Variants in GLI3 observed in about 807,000 individuals in gnomAD.
GLI3 encodes the protein GLI family zinc finger 3.
Under a neutral mutation model 100.8 loss-of-function variants are expected in GLI3, and 20 were observed. The ratio of observed to expected loss-of-function variants is 0.20; its 90% confidence interval spans 0.14 to 0.29. The LOEUF is 0.29. GLI3 is among the 10% of genes least tolerant of loss of function. The pLI is 1.00. For synonymous variants in GLI3, 938 were observed against 860.5 expected, an observed-to-expected ratio of 1.09 and a Z score of -1.58; for missense variants, 2,040 against 2,128.5, an observed-to-expected ratio of 0.96 and a Z score of 0.82.
rs527623890 is a variant in GLI3 at position 42,005,557 on chromosome 7, G to A, written c.1497+17911C>T. ...ATTTTGGGGTCCATTGAGTGAACAC[G>A]GTGCTGCCTTTTGTACCCTTGGCAG... On this transcript the variant is annotated intron_variant, in intron 10 of 14. Coordinates refer to ENST00000395925, the MANE Select transcript of GLI3 (RefSeq NM_000168.6). Among the ~76,000 whole-genome samples, 6 of 150,874 alleles carry A rather than the reference G, an allele frequency of 4.0e-5. No homozygotes were observed. In the East Asian group the frequency reaches 7.9e-4, roughly 20 times the overall value.
rs1787088228 is a variant in GLI3, at chr7:41,964,100, G to A, written c.*230C>T. 8.0e-6 allele frequency: 3 copies of A among 376,504 alleles called. No individual in the cohort carries two copies. Among genetic ancestry groups the A allele is most frequent in the Non-Finnish European group, 1.4e-5 (3 of 210,642 alleles). The allele number at this position is 376,504 out of a possible 1,614,324, so 23.3% of individuals were successfully genotyped here. On this transcript the variant is annotated 3_prime_UTR_variant, in exon 15 of 15. Transcript: ENST00000395925. ...TTTTTTTAAAAAGAGGGTGGTTTGAGTGTAACAATACTGATTCAAAACTGA... is the reference window on the plus strand; with the variant it reads ...TTTTTTTAAAAAGAGGGTGGTTTGAATGTAACAATACTGATTCAAAACTGA...
intron 3 of GLI3, among the ~76,000 whole-genome samples, chr7:42,079,780 G>A (rs1189758896): frequency 1.3e-5 from 2 of 152,154 alleles, no homozygotes; most frequent in Admixed American, 1.3e-4. Flanking sequence ...CCAGGTAAGT[G>A]GGTGTCAACT....
chr7:41,973,430 G>T (rs1429336142), intron 12 of GLI3, among the ~76,000 whole-genome samples: 3 of 152,070 alleles, frequency 2.0e-5, no homozygotes, highest in East Asian at 3.9e-4. Context: ...TTTCTATGTG[G>T]GTCAGTGATC....
At chr7:42,244,250 T>G (rs908629550) in intron 1 of GLI3, among the ~76,000 whole-genome samples, 1 of 152,232 alleles carries the variant, frequency 6.6e-6, no homozygotes, top group African/African-American at 2.4e-5. Context: ...ATTAGTTTCT[T>G]GTAGATACCA....
chr7:42,095,454 G>A (rs1212379376), intron 3 of GLI3, among the ~76,000 whole-genome samples: 1 of 152,208 alleles, frequency 6.6e-6, no homozygotes, highest in Non-Finnish European at 1.5e-5. Context: ...ATGGGTTGGA[G>A]TGGAATGAAA....
chr7:42,222,978 C>T, intron 2 of GLI3, 152 bp downstream of exon 2: 2 of 836,788 alleles, frequency 2.4e-6, no homozygotes, highest in East Asian at 2.5e-5. Flanking sequence ...ATTCCATGTC[C>T]CCCCGCCGTC....
chr7:42,240,305 CTTG>C (rs1373462654), upstream of GLI3, among the ~76,000 whole-genome samples: 2 of 152,158 alleles, frequency 1.3e-5, no homozygotes, highest in Non-Finnish European at 1.5e-5. Context: ...GACTTTCTTT[CTTG>C]TTGTTGCAAC....
chr7:41,967,565 G>A (rs1372877316), intron 14 of GLI3, 31 bp downstream of exon 14: 3 of 1,495,930 alleles, frequency 2.0e-6, no homozygotes, highest in Non-Finnish European at 2.8e-6. Context: ...AAAAAACCCT[G>A]AGCAGATGCA....
chr7:41,967,085 T>C (rs1787206448), intron 14 of GLI3, among the ~76,000 whole-genome samples: 1 of 152,236 alleles, frequency 6.6e-6, no homozygotes, highest in African/African-American at 2.4e-5. Flanking sequence ...GGGCGTCCTG[T>C]TCATGCCACA....
intron 4 of GLI3, among the ~76,000 whole-genome samples, chr7:42,069,158 A>C (rs1298230429): frequency 6.6e-6 from 1 of 152,194 alleles, no homozygotes; most frequent in Non-Finnish European, 1.5e-5. Context: ...CAAAGAACAC[A>C]GGAATTTTAT....
intron 2 of GLI3, among the ~76,000 whole-genome samples, chr7:42,218,543 A>G (rs1788421809): frequency 6.6e-6 from 1 of 151,824 alleles, no homozygotes; most frequent in Non-Finnish European, 1.5e-5. Context: ...CCAAGAAGTG[A>G]CCAAAAGTTA....
chr7:42,095,904 G>C (rs543312842), intron 3 of GLI3, among the ~76,000 whole-genome samples: 184 of 152,274 alleles, frequency 1.2e-3, no homozygotes, highest in Non-Finnish European at 1.7e-3. Context: ...TACAGGAAGA[G>C]GAAACCTGGA....
At chr7:42,005,620 G>C (rs982472867) in intron 10 of GLI3, among the ~76,000 whole-genome samples, 3 of 152,010 alleles carry the variant, frequency 2.0e-5, no homozygotes, top group Non-Finnish European at 4.4e-5. Flanking sequence ...ATACAGCCCA[G>C]GTGCTCGCCT....
At chr7:42,135,777 G>A (rs1468395054) in intron 3 of GLI3, among the ~76,000 whole-genome samples, 1 of 152,112 alleles carries the variant, frequency 6.6e-6, no homozygotes, top group East Asian at 1.9e-4. Context: ...TAGTTTATCT[G>A]AGACACCAAA....
intron 3 of GLI3, among the ~76,000 whole-genome samples, chr7:42,095,211 A>G (rs1477483775): frequency 6.6e-6 from 1 of 152,170 alleles, no homozygotes; most frequent in Non-Finnish European, 1.5e-5. Flanking sequence ...CCACCCCAGC[A>G]GTTTCTGACT....
intron 3 of GLI3, among the ~76,000 whole-genome samples, chr7:42,142,917 G>A (rs1244504091): frequency 2.5e-5 from 3 of 121,664 alleles, no homozygotes; most frequent in Non-Finnish European, 4.8e-5. Flanking sequence ...GCCTGGGCGA[G>A]AGCAAGACTC....
intron 10 of GLI3, among the ~76,000 whole-genome samples, chr7:42,006,449 G>T (rs532530588): frequency 1.3e-5 from 2 of 152,294 alleles, no homozygotes; most frequent in South Asian, 2.1e-4. Context: ...TATGAAACCT[G>T]CCCTCCCTAG....
At chr7:42,216,336 T>C (rs1788376436) in intron 2 of GLI3, among the ~76,000 whole-genome samples, 1 of 152,160 alleles carries the variant, frequency 6.6e-6, no homozygotes, top group Admixed American at 6.5e-5. Flanking sequence ...TTGAGTGCTG[T>C]GAAGGAAGGG....
In GLI3 at chr7:41,965,339, T is replaced by C. The variant is rs372740903; in HGVS notation, c.3734A>G (p.His1245Arg). 1.4e-5 allele frequency: 22 copies of C among 1,613,754 alleles called. No homozygotes were observed. The African/African-American group carries it at 2.5e-4, about 19-fold the overall frequency. ...CTGCGGGGCCTTACAGGGCTGTTCA[T>C]GGAAGGCGTTTCCACTGGTGCCACT... ...PGSGTSGNAFHEQPCKAPQYG... is the reference protein window; with the variant it reads ...PGSGTSGNAFREQPCKAPQYG... The change falls in exon 15 of 15, where the codon CAT (histidine) becomes CGT (arginine). Residue 1245 changes from histidine to arginine, a missense_variant. Coordinates refer to ENST00000395925, the MANE Select transcript of GLI3 (RefSeq NM_000168.6).
Sources: allele counts gnomAD v4.1 joint callset (sites outside exome capture counted in the v4.1 genomes callset), GRCh38; gene constraint gnomAD v4.1.1; transcripts MANE v1.5; gene names NCBI Gene and HGNC (gene_info 2026-07-23, HGNC 2026-07-21).